The following ZNF253 variants were observed in gnomAD, a reference collection of about 807,000 sequenced individuals.
ZNF253 encodes zinc finger protein 253, also known as DNA-binding protein.
Under a neutral mutation model 11.9 loss-of-function variants are expected in ZNF253, and 8 were observed. The observed-to-expected ratio is 0.67, with a 90% CI of 0.40 to 1.22. ZNF253 has a LOEUF of 1.22. ZNF253 is among the 50% of genes most tolerant of loss of function. The pLI is 0.01. For synonymous variants in ZNF253, 194 were observed against 194.9 expected (o/e 1.00, Z 0.04); for missense variants, 485 against 586.9 (o/e 0.83, Z 1.79).
At chr19:19,867,441 G>A (rs930912236) in intron 1 of ZNF253, among the ~76,000 whole-genome samples, 40 of 152,108 alleles carry the variant, frequency 2.6e-4, no homozygotes, top group African/African-American at 8.9e-4. Context: ...GCCTTATTTA[G>A]CCTCAACCTC....
rs754543747 is a variant in ZNF253 at position 19,892,083 on chromosome 19, C to T, written c.836C>T (p.Thr279Ile). The change falls in exon 4 of 4, where the codon ACT becomes ATT. Residue 279 changes from threonine (T) to isoleucine (I), a missense_variant. Transcript: ENST00000589717. Reference protein sequence around the residue: ...TDLTTHKIVHTGEKPYKCEEC... With the variant: ...TDLTTHKIVHIGEKPYKCEEC... The stretch of plus-strand genomic sequence containing the variant: ...CTTACTACACATAAGATAGTTCATA[C>T]TGGAGAGAAACCCTACAAATGTGAA... 3.7e-6 allele frequency: 6 copies of T among 1,613,910 alleles called. No homozygotes were observed. Among genetic ancestry groups the T allele is most frequent in the Admixed American group, 1.7e-5 (1 of 59,994 alleles).
intron 3 of ZNF253, among the ~76,000 whole-genome samples, chr19:19,885,287 C>CT (rs2063198075): frequency 5.4e-5 from 2 of 37,030 alleles, no homozygotes; most frequent in Admixed American, 2.9e-4. Flanking sequence ...TTCTTTCTTT[C>CT]TTTCTCTTTC....
At position 19,880,272 on chromosome 19, in the gene ZNF253, T is replaced by A; in HGVS notation, c.226+126T>A. ...CCAAAGGAAATAGGTCCTGGGCAGC[T>A]GTTTTTTTTTTTTTTTTTTTCTCCC... On this transcript the variant is annotated intron_variant, in intron 3 of 3. Coordinates refer to ENST00000589717, the MANE Select transcript of ZNF253 (RefSeq NM_021047.3). 5 of 502,124 alleles carry A rather than the reference T, an allele frequency of 1.0e-5. No homozygotes were observed. The South Asian group carries it at 1.2e-4, about 12-fold the overall frequency. 31.1% of individuals were successfully genotyped at this position (502,124 alleles called of 1,614,324 possible).
At chr19:19,868,383 A>C (rs2063119949) in intron 1 of ZNF253, among the ~76,000 whole-genome samples, 1 of 152,064 alleles carries the variant, frequency 6.6e-6, no homozygotes, top group Non-Finnish European at 1.5e-5. Flanking sequence ...TGTGTAATGA[A>C]GGGGTCCACT....
intron 3 of ZNF253, among the ~76,000 whole-genome samples, chr19:19,888,956 T>C (rs1422059685): frequency 1.3e-5 from 2 of 151,824 alleles, no homozygotes; most frequent in Non-Finnish European, 2.9e-5. Context: ...TATATGATAG[T>C]ACAATTTTGC....
At chr19:19,873,250 CT>C (rs1045098661) in intron 1 of ZNF253, among the ~76,000 whole-genome samples, 1 of 152,160 alleles carries the variant, frequency 6.6e-6, no homozygotes, top group African/African-American at 2.4e-5. Context: ...CTATATTTAC[CT>C]GTAAAATGGG....
Position 19,892,116 on chromosome 19 carries a change from G to T in ZNF253, c.869G>T (p.Gly290Val). 6.2e-7 allele frequency: 1 copy of T among 1,614,008 alleles called. No homozygotes were observed. Among genetic ancestry groups the T allele is most frequent in the Non-Finnish European group, 8.5e-7 (1 of 1,180,010 alleles). Residue 290 changes from glycine (G) to valine (V), a missense_variant, in exon 4 of 4, where the codon GGC (glycine) becomes GTC (valine). Transcript: ENST00000589717. ...AAACCCTACAAATGTGAAGAATGTG[G>T]CAAAGCCTTTAAGCACCCCTCACAC... ...GEKPYKCEEC[G>V]KAFKHPSHVT...
chr19:19,877,615 C>G (rs962947738), intron 1 of ZNF253, among the ~76,000 whole-genome samples: 1 of 152,030 alleles, frequency 6.6e-6, no homozygotes, highest in Non-Finnish European at 1.5e-5. Flanking sequence ...CCTCAGGTGA[C>G]CCACCCATCT....
chr19:19,884,008 G>T (rs2063188442), intron 3 of ZNF253, among the ~76,000 whole-genome samples: 1 of 146,772 alleles, frequency 6.8e-6, no homozygotes, highest in Non-Finnish European at 1.5e-5. Context: ...AGTGAGCCAA[G>T]ATCGGGCCAT....
At chr19:19,889,075 T>C (rs2063218426) in intron 3 of ZNF253, among the ~76,000 whole-genome samples, 1 of 152,116 alleles carries the variant, frequency 6.6e-6, no homozygotes, top group Admixed American at 6.5e-5. Context: ...CCCAAAATTC[T>C]TTTCTTATCT....
At position 19,880,150 on chromosome 19, in the gene ZNF253, G is replaced by A; in HGVS notation, c.226+4G>A. On this transcript the variant is annotated splice_donor_region_variant and intron_variant, in intron 3 of 3. Coordinates refer to ENST00000589717, the MANE Select transcript of ZNF253 (RefSeq NM_021047.3). ...GAGATGATTGCCAAACCCCCAGGTA[G>A]GTACGAGTGAAAACGAATACAACAG... is the stretch of plus-strand genomic sequence containing the variant. 1 of 1,594,030 alleles carries A rather than the reference G, an allele frequency of 6.3e-7. No individual in the cohort carries two copies. Among genetic ancestry groups the A allele is most frequent in the Non-Finnish European group, 8.5e-7 (1 of 1,171,558 alleles).
chr19:19,885,632 C>T (rs920119327), intron 3 of ZNF253, among the ~76,000 whole-genome samples: 1 of 151,974 alleles, frequency 6.6e-6, no homozygotes, highest in East Asian at 1.9e-4. Context: ...ACCTCATGAT[C>T]CGTCCGCCTC....
chr19:19,877,918 A>G (rs1215162608), intron 1 of ZNF253, among the ~76,000 whole-genome samples: 1 of 152,076 alleles, frequency 6.6e-6, no homozygotes, highest in Non-Finnish European at 1.5e-5. Flanking sequence ...GAAGGCTCTT[A>G]TCTTTGTTTA....
chr19:19,887,507 CGGG>C (rs2063211062), intron 3 of ZNF253, among the ~76,000 whole-genome samples: 2 of 151,760 alleles, frequency 1.3e-5, no homozygotes, highest in African/African-American at 4.8e-5. Context: ...CCATGATGGC[CGGG>C]CTGGTTTTGA....
chr19:19,887,463 A>AT lies in ZNF253; in HGVS notation c.227-4004dup, dbSNP rs1160883157. On this transcript the variant is annotated intron_variant, in intron 3 of 3. Transcript: ENST00000589717. ...AGGCATCTGCTACCACACCTGGCTAATTTTTTTGTATTTTTACTAGTGACA... is the reference window on the plus strand; with the variant it reads ...AGGCATCTGCTACCACACCTGGCTAATTTTTTTTGTATTTTTACTAGTGACA... 8.6e-5 allele frequency among the ~76,000 whole-genome samples: 13 copies of AT among 151,522 alleles called. No individual in the cohort carries two copies. In the East Asian group the frequency reaches 1.2e-3, roughly 14 times the overall value.
chr19:19,892,123 CT>C lies in ZNF253; in HGVS notation c.879del (p.Phe293LeufsTer147). On this transcript the variant is annotated frameshift_variant, in exon 4 of 4. Transcript: ENST00000589717. LOFTEE classifies it low-confidence loss of function (END_TRUNC). ...ACAAATGTGAAGAATGTGGCAAAGCCTTTAAGCACCCCTCACACGTTACCAC... is the reference window on the plus strand; with the variant it reads ...ACAAATGTGAAGAATGTGGCAAAGCCTTAAGCACCCCTCACACGTTACCAC... ...PYKCEECGKA[F>X]KHPSHVTTHK... The C allele has an allele frequency of 6.2e-7, 1 of 1,612,890 alleles. No individual in the cohort carries two copies. Among genetic ancestry groups the C allele is most frequent in the Non-Finnish European group, 8.5e-7 (1 of 1,179,684 alleles).
chr19:19,893,479 C>A lies in ZNF253; in HGVS notation c.*732C>A, dbSNP rs1310423694. The A allele has an allele frequency of 2.0e-5, 3 of 152,076 alleles. No homozygotes were observed. The highest frequency in any genetic ancestry group is 4.4e-5 in the Non-Finnish European group (3 of 68,018). The allele number at this position is 152,076 out of a possible 1,614,324, so 9.4% of individuals were successfully genotyped here. A position where few individuals can be genotyped will look rare whatever the true frequency, so the allele number is the denominator to read the frequency against. On this transcript the variant is annotated 3_prime_UTR_variant, in exon 4 of 4. Transcript: ENST00000589717. ...TAGAAATGTATAAAATGTGACAAAGCCTTTATATGATTGTCATACATGATT... is the reference window on the plus strand; with the variant it reads ...TAGAAATGTATAAAATGTGACAAAGACTTTATATGATTGTCATACATGATT...
intron 1 of ZNF253, 71 bp downstream of exon 1, chr19:19,866,070 G>A: frequency 6.2e-7 from 1 of 1,600,618 alleles, no homozygotes; most frequent in Non-Finnish European, 8.6e-7. Flanking sequence ...GCTCTGGCGG[G>A]ACTCTGCTTC....
Position 19,891,764 on chromosome 19 carries a change from A to G in ZNF253, c.517A>G (p.Lys173Glu), listed in dbSNP as rs77010331. The stretch of plus-strand genomic sequence containing the variant: ...AAGACATACTGGAATAAATCTTTTC[A>G]AATGTATAATATGTGGCAAAGCTTT... Reference protein sequence around the residue: ...KTRHTGINLFKCIICGKAFKR... With the variant: ...KTRHTGINLFECIICGKAFKR... Residue 173 changes from lysine to glutamate, a missense_variant, in exon 4 of 4, where the codon AAA becomes GAA. Physicochemically the swap from Lys to Glu is moderately conservative, Grantham distance 56 (BLOSUM62 1). Transcript: ENST00000589717. 2.8e-3 allele frequency: 4,575 copies of G among 1,614,134 alleles called. 152 individuals are homozygous for G. In the East Asian group the frequency reaches 0.071, roughly 25 times the overall value.
Sources: allele counts gnomAD v4.1 joint callset (sites outside exome capture counted in the v4.1 genomes callset), GRCh38; gene constraint gnomAD v4.1.1; transcripts MANE v1.5; gene names NCBI Gene and HGNC (gene_info 2026-07-23, HGNC 2026-07-21).